Variants in SORCS2 observed in about 807,000 individuals in gnomAD.
The protein encoded by SORCS2 is sortilin related VPS10 domain containing receptor 2, also known as VPS10 domain-containing receptor SorCS2.
SORCS2 carries 100 observed loss-of-function variants against 141.6 expected under a neutral mutation model. The ratio of observed to expected loss-of-function variants is 0.71; its 90% CI spans 0.60 to 0.83. The LOEUF (loss-of-function observed/expected upper bound fraction) is 0.83. Ranked by LOEUF, SORCS2 falls within the 40% of genes least tolerant of loss-of-function variation. SORCS2 has a pLI of 0.00. For synonymous variants in SORCS2, 789 were observed against 676.9 expected, an observed-to-expected ratio of 1.17 and a Z score of -2.57; for missense variants, 1,646 against 1,560.2, an observed-to-expected ratio of 1.05 and a Z score of -0.93.
intron 1 of SORCS2, among the ~76,000 whole-genome samples, chr4:7,275,073 G>T (rs571243567): frequency 6.6e-6 from 1 of 152,190 alleles, no homozygotes; most frequent in Non-Finnish European, 1.5e-5. Context: ...GATTTTTGAT[G>T]AGAATCTCTC....
intron 12 of SORCS2, among the ~76,000 whole-genome samples, chr4:7,698,433 A>G (rs1209328260): frequency 1.3e-5 from 2 of 152,260 alleles, no homozygotes; most frequent in Admixed American, 6.5e-5. Context: ...AGAACTTTCA[A>G]AAGGGCAAAG....
At chr4:7,722,540 TG>T (rs1437582733) in intron 18 of SORCS2, among the ~76,000 whole-genome samples, 4 of 152,256 alleles carry the variant, frequency 2.6e-5, no homozygotes, top group African/African-American at 9.6e-5. Flanking sequence ...CCTTGGCCCC[TG>T]ACAGAGTCAC....
intron 2 of SORCS2, among the ~76,000 whole-genome samples, chr4:7,511,063 A>G (rs1016016476): frequency 7.2e-5 from 11 of 152,176 alleles, no homozygotes; most frequent in African/African-American, 2.7e-4. Flanking sequence ...TCTTGACACT[A>G]TCTCAGGGCG....
At chr4:7,346,705 T>C (rs181166742) in intron 1 of SORCS2, among the ~76,000 whole-genome samples, 1 of 152,350 alleles carries the variant, frequency 6.6e-6, no homozygotes, top group Admixed American at 6.5e-5. Flanking sequence ...TCATGTACTT[T>C]AGGGCTATGT....
In SORCS2 at chr4:7,573,962, G is replaced by A. The variant is rs1007083018; in HGVS notation, c.648+42333G>A. On this transcript the variant is annotated intron_variant, in intron 3 of 26. Coordinates refer to ENST00000507866, the MANE Select transcript of SORCS2 (RefSeq NM_020777.3). ...CACACGCGTCCACTCAGGGTACTTG[G>A]TCCCAGAAATCCTTGGCTCTTCCTG... Among the ~76,000 whole-genome samples the A allele has an allele frequency of 2.6e-5, 4 of 152,224 alleles. No individual in the cohort carries two copies. The East Asian group carries it at 7.7e-4, about 29-fold the overall frequency.
In SORCS2 at chr4:7,509,034, T is replaced by G. The variant is rs989470091; in HGVS notation, c.549-22496T>G. Among the ~76,000 whole-genome samples, 9 of 152,194 alleles carry G rather than the reference T, an allele frequency of 5.9e-5. No individual in the cohort carries two copies. The East Asian group carries it at 1.7e-3, about 29-fold the overall frequency. ...TCACGCTGCCTCGGCACGGCGACCT[T>G]TCGTGGGTAACCATTCATCTGAGTG... On this transcript the variant is annotated intron_variant, in intron 2 of 26. Transcript: ENST00000507866.
chr4:7,501,291 T>A (rs1731962617), intron 2 of SORCS2, among the ~76,000 whole-genome samples: 2 of 152,218 alleles, frequency 1.3e-5, no homozygotes, highest in South Asian at 4.1e-4. Flanking sequence ...CTGTTCTTGG[T>A]TCCTTGGTTG....
chr4:7,593,974 C>G (rs75958078), intron 3 of SORCS2, among the ~76,000 whole-genome samples: 2,038 of 152,336 alleles, frequency 0.013, 50 homozygotes, highest in African/African-American at 0.047. Context: ...CATCCTGACA[C>G]CCTCCACTGG....
intron 19 of SORCS2, among the ~76,000 whole-genome samples, chr4:7,724,567 GTGGTGATGGTGATGGTGGTGGTGT>G (rs1195842228): frequency 2.1e-4 from 24 of 112,660 alleles, no homozygotes; most frequent in Middle Eastern, 4.6e-3. Context: ...ATGGATGGTG[GTGGTGATGGTGATGGTGGTGGTGT>G]TGGTGATGGT....
At chr4:7,500,936 T>G (rs916338106) in intron 2 of SORCS2, among the ~76,000 whole-genome samples, 1 of 152,204 alleles carries the variant, frequency 6.6e-6, no homozygotes, top group Admixed American at 6.5e-5. Flanking sequence ...CCTGTGATTC[T>G]GCCGGGAGGT....
intron 1 of SORCS2, among the ~76,000 whole-genome samples, chr4:7,384,803 G>A (rs960558517): frequency 6.6e-6 from 1 of 152,248 alleles, no homozygotes; most frequent in African/African-American, 2.4e-5. Context: ...GGACTGCACA[G>A]CAGGCACGGG....
At chr4:7,620,317 A>G (rs1455607845) in intron 3 of SORCS2, among the ~76,000 whole-genome samples, 1 of 152,170 alleles carries the variant, frequency 6.6e-6, no homozygotes, top group Non-Finnish European at 1.5e-5. Context: ...GATGTGGCCC[A>G]TGTGTGGCTG....
At chr4:7,500,398 A>T (rs930259271) in intron 2 of SORCS2, among the ~76,000 whole-genome samples, 5 of 152,028 alleles carry the variant, frequency 3.3e-5, no homozygotes, top group Admixed American at 3.3e-4. Context: ...TCCTGCAAAC[A>T]GGCCCTGGAA....
intron 10 of SORCS2, among the ~76,000 whole-genome samples, chr4:7,687,847 G>C (rs1464135356): frequency 6.6e-6 from 1 of 152,110 alleles, no homozygotes; most frequent in Non-Finnish European, 1.5e-5. Context: ...CCCAAAAAAG[G>C]AAGGCCCCGA....
At chr4:7,649,884 A>T (rs1044559819) in intron 4 of SORCS2, among the ~76,000 whole-genome samples, 3 of 152,188 alleles carry the variant, frequency 2.0e-5, no homozygotes, top group African/African-American at 7.2e-5. Flanking sequence ...GGTGCCCGTG[A>T]CAAGGACACG....
intron 1 of SORCS2, among the ~76,000 whole-genome samples, chr4:7,195,333 T>C (rs894091895): frequency 5.3e-5 from 8 of 152,132 alleles, no homozygotes; most frequent in African/African-American, 1.9e-4. Flanking sequence ...GGGTGAGGTG[T>C]GGCACACCGG....
chr4:7,477,130 GC>G (rs1560316478), intron 2 of SORCS2, among the ~76,000 whole-genome samples: 1 of 152,244 alleles, frequency 6.6e-6, no homozygotes, highest in Non-Finnish European at 1.5e-5. Context: ...TGGGGAGGGG[GC>G]TCTGTGGGGC....
At position 7,664,894 on chromosome 4, in the gene SORCS2, C is replaced by T. The variant is rs1007868137; in HGVS notation, c.1071+423C>T. On this transcript the variant is annotated intron_variant, in intron 7 of 26. Coordinates refer to ENST00000507866, the MANE Select transcript of SORCS2 (RefSeq NM_020777.3). This position sits in a 1 kb window ranked among gnomAD's most constrained non-coding sequence, Gnocchi z 4.7. ...TGCCCTCAGGTCACAAGTGGGCCCACCCTCAGCAGCCATGTGGTCCCAGCT... is the reference window on the plus strand; with the variant it reads ...TGCCCTCAGGTCACAAGTGGGCCCATCCTCAGCAGCCATGTGGTCCCAGCT... Among the ~76,000 whole-genome samples, 4 of 152,218 alleles carry T rather than the reference C, an allele frequency of 2.6e-5. No homozygotes were observed. Among genetic ancestry groups the T allele is most frequent in the African/African-American group, 7.2e-5 (3 of 41,456 alleles).
intron 3 of SORCS2, among the ~76,000 whole-genome samples, chr4:7,572,581 C>G (rs539131892): frequency 6.6e-6 from 1 of 152,102 alleles, no homozygotes; most frequent in Non-Finnish European, 1.5e-5. Flanking sequence ...ACTTGATGCT[C>G]GTGGCCTTCA....
Sources: gnomAD v4.1 joint callset for allele counts (sites outside exome capture counted in the v4.1 genomes callset) on GRCh38, gnomAD v4.1.1 for gene constraint, Gnocchi (gnomAD v3.1) non-coding constraint, MANE v1.5 for transcripts, NCBI Gene and HGNC (gene_info 2026-07-23, HGNC 2026-07-21) for gene names.